Variants in NSG1 observed in about 807,000 individuals in gnomAD.
NSG1 encodes neuronal vesicle trafficking-associated protein 1.
A neutral mutation model predicts 19.3 loss-of-function variants in NSG1; 9 were observed. The ratio of observed to expected loss-of-function variants is 0.47; its 90% confidence interval spans 0.28 to 0.81. NSG1 has a LOEUF of 0.81. Among genes scored for constraint, NSG1 ranks in the 40% least tolerant of loss-of-function variants. The pLI is 0.11. For missense variants in NSG1, 236 were observed against 242.4 expected, an observed-to-expected ratio of 0.97 and a Z score of 0.18; for synonymous variants, 104 against 107.0, an observed-to-expected ratio of 0.97 and a Z score of 0.17.
At chr4:4,389,276 A>C (rs948703308) in intron 2 of NSG1, among the ~76,000 whole-genome samples, 2 of 152,196 alleles carry the variant, frequency 1.3e-5, no homozygotes, top group African/African-American at 4.8e-5. Context: ...CCAACTAATT[A>C]GGTCGACCAG....
chr4:4,415,713 AGCGGGGCCG>A (rs2108757412), intron 4 of NSG1: 5 of 139,396 alleles, frequency 3.6e-5, no homozygotes, highest in South Asian at 2.1e-4. Context: ...GCCAGCCCTG[AGCGGGGCCG>A]CCACTCCACA....
intron 4 of NSG1, chr4:4,415,640 C>G (rs963694358): frequency 1.3e-5 from 2 of 154,920 alleles, no homozygotes; most frequent in African/African-American, 4.9e-5. Flanking sequence ...CTGGGGACTC[C>G]ATCTGTCCTT....
intron 3 of NSG1, among the ~76,000 whole-genome samples, chr4:4,396,712 C>T (rs1236746008): frequency 3.6e-5 from 5 of 139,932 alleles, no homozygotes; most frequent in African/African-American, 1.5e-4. Flanking sequence ...CTCCAGTAAG[C>T]CCCTGGTGTG....
chr4:4,405,605 T>C (rs1472643648), intron 3 of NSG1, among the ~76,000 whole-genome samples: 1 of 152,174 alleles, frequency 6.6e-6, no homozygotes, highest in Non-Finnish European at 1.5e-5. Flanking sequence ...GCCCTCTCTC[T>C]CCTTAGGCCA....
At chr4:4,396,996 G>A (rs934000176) in intron 3 of NSG1, among the ~76,000 whole-genome samples, 2 of 151,870 alleles carry the variant, frequency 1.3e-5, no homozygotes, top group African/African-American at 2.4e-5. Context: ...TAGCTGTAGT[G>A]TGGGGGCTTC....
Position 4,403,260 on chromosome 4 carries a change from G to A in NSG1, c.247-6313G>A, listed in dbSNP as rs573514685. Reference sequence around the variant, plus strand: ...CATGCCATGGCTGAAGACGGCGCACGGGCATTCTCCCCAGGCCTGAAAGTC... The same window carrying A: ...CATGCCATGGCTGAAGACGGCGCACAGGCATTCTCCCCAGGCCTGAAAGTC... On this transcript the variant is annotated intron_variant, in intron 3 of 4. Transcript: ENST00000621129. 1.1e-4 allele frequency among the ~76,000 whole-genome samples: 17 copies of A among 152,258 alleles called. No homozygotes were observed. The South Asian group carries it at 3.5e-3, about 32-fold the overall frequency.
intron 3 of NSG1, among the ~76,000 whole-genome samples, chr4:4,402,148 C>T (rs952857404): frequency 1.3e-5 from 2 of 150,594 alleles, no homozygotes; most frequent in East Asian, 2.0e-4. Flanking sequence ...TTCGGCCTCC[C>T]AAAGTGCTGG....
chr4:4,391,951 C>T (rs1052177665), intron 3 of NSG1, among the ~76,000 whole-genome samples: 25 of 152,214 alleles, frequency 1.6e-4, no homozygotes, highest in Admixed American at 5.9e-4. Flanking sequence ...AAAAAGATAA[C>T]GCACAGCACT....
At chr4:4,416,568 A>G (rs1315433074) in intron 4 of NSG1, among the ~76,000 whole-genome samples, 1 of 152,148 alleles carries the variant, frequency 6.6e-6, no homozygotes, top group Non-Finnish European at 1.5e-5. Flanking sequence ...CCTGAACCAC[A>G]GGGCCTGGCC....
At chr4:4,416,380 C>T (rs1285300312) in intron 4 of NSG1, among the ~76,000 whole-genome samples, 1 of 152,192 alleles carries the variant, frequency 6.6e-6, no homozygotes, top group East Asian at 1.9e-4. Flanking sequence ...AAAGTATTCT[C>T]ATCTTTAGAC....
At chr4:4,404,457 G>A (rs1334418779) in intron 3 of NSG1, among the ~76,000 whole-genome samples, 1 of 152,234 alleles carries the variant, frequency 6.6e-6, no homozygotes, top group Non-Finnish European at 1.5e-5. Flanking sequence ...CCCTTTGCAG[G>A]GTCACTGCGT....
chr4:4,398,454 C>CA (rs1553816886), intron 3 of NSG1, among the ~76,000 whole-genome samples: 143 of 152,226 alleles, frequency 9.4e-4, no homozygotes, highest in African/African-American at 3.4e-3. Context: ...TGCCCCCCCC[C>CA]ACAGCCCCTG....
chr4:4,400,683 A>C (rs1472740916), intron 3 of NSG1, among the ~76,000 whole-genome samples: 1 of 152,210 alleles, frequency 6.6e-6, no homozygotes, highest in Non-Finnish European at 1.5e-5. Flanking sequence ...TGTAGGCAGT[A>C]AACCACAGAG....
chr4:4,401,464 T>G (rs1018567127), intron 3 of NSG1, among the ~76,000 whole-genome samples: 1 of 152,196 alleles, frequency 6.6e-6, no homozygotes, highest in African/African-American at 2.4e-5. Flanking sequence ...TTTTGATGCT[T>G]CAGGCCCGTG....
intron 3 of NSG1, among the ~76,000 whole-genome samples, chr4:4,393,517 G>T (rs961856023): frequency 2.2e-4 from 34 of 152,222 alleles, no homozygotes; most frequent in African/African-American, 8.2e-4. Context: ...GCTGCTGGCA[G>T]CAGAAGCCCT....
chr4:4,401,302 G>A (rs1723534542), intron 3 of NSG1, among the ~76,000 whole-genome samples: 1 of 152,214 alleles, frequency 6.6e-6, no homozygotes. Flanking sequence ...TTGTCACAAA[G>A]TGGCAGTTGC....
chr4:4,410,201 C>T (rs1182370963), intron 4 of NSG1, among the ~76,000 whole-genome samples: 1 of 152,192 alleles, frequency 6.6e-6, no homozygotes, highest in Non-Finnish European at 1.5e-5. Flanking sequence ...CTGCCTGTCC[C>T]ACCGCAGGAG....
chr4:4,400,710 T>A lies in NSG1; in HGVS notation c.247-8863T>A, dbSNP rs575990989. Among the ~76,000 whole-genome samples the A allele has an allele frequency of 9.8e-5, 15 of 152,362 alleles. No homozygotes were observed. The South Asian group carries it at 2.7e-3, about 27-fold the overall frequency. ...ACCACAGAGGTATTAGTAGTACTTG[T>A]GACTTTGTCACCAATGCATACCAGG... On this transcript the variant is annotated intron_variant, in intron 3 of 4. Coordinates refer to ENST00000621129, the MANE Select transcript of NSG1 (RefSeq NM_014392.5).
intron 4 of NSG1, among the ~76,000 whole-genome samples, chr4:4,413,322 G>A (rs1560148405): frequency 6.6e-6 from 1 of 151,776 alleles, no homozygotes; most frequent in Admixed American, 6.6e-5. Flanking sequence ...GTCTCCAGGA[G>A]GTGAGCCAGG....
Sources: gnomAD v4.1 joint callset for allele counts (sites outside exome capture counted in the v4.1 genomes callset) on GRCh38, gnomAD v4.1.1 for gene constraint, MANE v1.5 for transcripts, NCBI Gene and HGNC (gene_info 2026-07-23, HGNC 2026-07-21) for gene names.